NIPAL2: variants seen among roughly 807,000 people sequenced by gnomAD.
The protein encoded by NIPAL2 is NIPA-like protein 2.
In NIPAL2, 43 loss-of-function variants were observed where a neutral mutation model predicts 48.9. The observed-to-expected ratio is 0.88, with a 90% CI of 0.69 to 1.13. NIPAL2 has a LOEUF of 1.13. Ranked by LOEUF, NIPAL2 falls within the 50% of genes most tolerant of loss-of-function variation. The pLI, the probability that NIPAL2 is intolerant of heterozygous loss-of-function variation, is 0.00. For missense variants in NIPAL2, 446 were observed against 461.4 expected (o/e 0.97, Z 0.31); for synonymous variants, 167 against 174.6 (o/e 0.96, Z 0.34).
chr8:98,253,822 A>G (rs2130832369), intron 2 of NIPAL2, among the ~76,000 whole-genome samples, 197 bp downstream of exon 2: 1 of 152,288 alleles, frequency 6.6e-6, no homozygotes, highest in East Asian at 1.9e-4. Context: ...TTTTAAAATC[A>G]GAAGAAGAAG....
At chr8:98,226,182 G>T (rs1563502749) in intron 4 of NIPAL2, among the ~76,000 whole-genome samples, 1 of 152,028 alleles carries the variant, frequency 6.6e-6, no homozygotes, top group Non-Finnish European at 1.5e-5. Flanking sequence ...TGTCTGAAAG[G>T]TTACATAACC....
intron 6 of NIPAL2, among the ~76,000 whole-genome samples, chr8:98,205,689 A>T (rs1810999458): frequency 6.6e-6 from 1 of 152,224 alleles, no homozygotes; most frequent in African/African-American, 2.4e-5. Context: ...AGAAGACTGG[A>T]AAGTGAAATG....
intron 3 of NIPAL2, among the ~76,000 whole-genome samples, chr8:98,250,329 G>A (rs1813523547): frequency 6.6e-6 from 1 of 152,090 alleles, no homozygotes; most frequent in Non-Finnish European, 1.5e-5. Flanking sequence ...AGACATAAGA[G>A]ACATCTGGTT....
At chr8:98,212,577 T>C in intron 5 of NIPAL2, 76 bp from the exon 6 acceptor site, 1 of 763,020 alleles carries the variant, frequency 1.3e-6, no homozygotes, top group Non-Finnish European at 2.2e-6. Flanking sequence ...TCATTTTGAT[T>C]TTGCAGCAAT....
chr8:98,289,716 A>G (rs1407852763), intron 1 of NIPAL2, among the ~76,000 whole-genome samples: 1 of 152,162 alleles, frequency 6.6e-6, no homozygotes, highest in Non-Finnish European at 1.5e-5. Flanking sequence ...CATTGGATAC[A>G]TAAGGAAGGG....
intron 3 of NIPAL2, among the ~76,000 whole-genome samples, chr8:98,248,702 A>C (rs1346094816): frequency 1.3e-5 from 2 of 152,232 alleles, no homozygotes; most frequent in African/African-American, 4.8e-5. Context: ...GAAAATCATT[A>C]ATTAAGCTTT....
At chr8:98,225,189 A>C (rs141470044) in intron 4 of NIPAL2, among the ~76,000 whole-genome samples, 12 of 152,176 alleles carry the variant, frequency 7.9e-5, no homozygotes, top group Non-Finnish European at 1.5e-4. Flanking sequence ...TATTTCAGCT[A>C]TCTGCAATAA....
chr8:98,291,038 A>C (rs1309975465), intron 1 of NIPAL2, among the ~76,000 whole-genome samples: 2 of 152,154 alleles, frequency 1.3e-5, no homozygotes, highest in Admixed American at 1.3e-4. Flanking sequence ...CAGTTTGAAA[A>C]CTGAATCCTG....
intron 6 of NIPAL2, among the ~76,000 whole-genome samples, chr8:98,209,609 C>T (rs1446356161): frequency 6.6e-6 from 1 of 151,982 alleles, no homozygotes; most frequent in East Asian, 1.9e-4. Flanking sequence ...CAGAGCAAGG[C>T]TCTGTCTCAA....
chr8:98,284,348 A>G (rs1816028829), intron 1 of NIPAL2, among the ~76,000 whole-genome samples: 1 of 152,046 alleles, frequency 6.6e-6, no homozygotes, highest in South Asian at 2.1e-4. Context: ...TTATATAAGG[A>G]AGGTGACTTC....
rs144701384 is a variant in NIPAL2 at position 98,242,264 on chromosome 8, C to G, written c.377-6050G>C. On this transcript the variant is annotated intron_variant, in intron 3 of 10. Transcript: ENST00000430223. ...GCGCAACCATGGCTCGCTGCAGCCT[C>G]GACCTCCTGAGCTCACGTGATTCTC... is the stretch of plus-strand genomic sequence containing the variant. Among the ~76,000 whole-genome samples, 962 of 151,436 alleles carry G rather than the reference C, an allele frequency of 6.4e-3. 13 individuals carry two copies. The highest frequency in any genetic ancestry group is 0.021 in the African/African-American group (881 of 41,284).
chr8:98,225,177 T>A (rs1812105248), intron 4 of NIPAL2, among the ~76,000 whole-genome samples: 1 of 152,250 alleles, frequency 6.6e-6, no homozygotes, highest in Non-Finnish European at 1.5e-5. Context: ...CTTAATAATT[T>A]TTATTTCAGC....
rs759513732 is a variant in NIPAL2 at position 98,203,209 on chromosome 8, G to A, written c.792-13C>T. ...TTGATTCAGGAACCTAGGGCAGAAG[G>A]CACTTACTGGAGCTTTGGCTTTAGG... On this transcript the variant is annotated splice_polypyrimidine_tract_variant and intron_variant, in intron 7 of 10. Transcript: ENST00000430223. 17 of 1,599,950 alleles carry A rather than the reference G, an allele frequency of 1.1e-5. No homozygotes were observed. The highest frequency in any genetic ancestry group is 1.5e-5 in the Non-Finnish European group (17 of 1,167,370).
At chr8:98,241,735 ATTATAT>A (rs1812989294) in intron 3 of NIPAL2, among the ~76,000 whole-genome samples, 1 of 152,216 alleles carries the variant, frequency 6.6e-6, no homozygotes, top group East Asian at 1.9e-4. Context: ...GAGGTAGAAA[ATTATAT>A]TTATACAATG....
chr8:98,233,754 A>G (rs1420467461), intron 4 of NIPAL2, among the ~76,000 whole-genome samples: 3 of 152,226 alleles, frequency 2.0e-5, no homozygotes, highest in Non-Finnish European at 4.4e-5. Flanking sequence ...CTTCCTTTCC[A>G]TAGTTACAAC....
intron 1 of NIPAL2, among the ~76,000 whole-genome samples, chr8:98,277,706 A>G (rs1815555774): frequency 6.6e-6 from 1 of 152,164 alleles, no homozygotes; most frequent in South Asian, 2.1e-4. Flanking sequence ...CTCATATAGT[A>G]TGTGGCCTTT....
intron 1 of NIPAL2, among the ~76,000 whole-genome samples, chr8:98,266,467 C>A (rs1814750616): frequency 6.7e-6 from 1 of 149,814 alleles, no homozygotes; most frequent in Admixed American, 6.7e-5. Context: ...CCAGGCATAG[C>A]AGCGTGCACC....
chr8:98,242,488 A>AT lies in NIPAL2; in HGVS notation c.377-6275dup, dbSNP rs568464494. Among the ~76,000 whole-genome samples the AT allele has an allele frequency of 4.5e-3, 531 of 117,778 alleles. 6 individuals carry two copies. Among genetic ancestry groups the AT allele is most frequent in the African/African-American group, 0.013 (396 of 30,320 alleles). The allele number at this position is 117,778 out of a possible 152,430, so 77.3% of individuals were successfully genotyped here. On this transcript the variant is annotated intron_variant, in intron 3 of 10. Coordinates refer to ENST00000430223, the MANE Select transcript of NIPAL2 (RefSeq NM_001321635.2). ...AGGCAAAAGCCACTGCACCTGACAG[A>AT]TTTTTTTTTTTTTTTTTTTAACTGA... is the stretch of plus-strand genomic sequence containing the variant.
intron 1 of NIPAL2, among the ~76,000 whole-genome samples, chr8:98,289,001 A>C (rs943165806): frequency 2.6e-5 from 4 of 152,180 alleles, no homozygotes; most frequent in Admixed American, 1.3e-4. Flanking sequence ...CCCAAATACT[A>C]TAGTAAATGG....
Sources: gnomAD v4.1 joint callset for allele counts (sites outside exome capture counted in the v4.1 genomes callset) on GRCh38, gnomAD v4.1.1 for gene constraint, MANE v1.5 for transcripts, NCBI Gene and HGNC (gene_info 2026-07-23, HGNC 2026-07-21) for gene names.